The following GNA12 variants were observed in gnomAD, a reference collection of about 807,000 sequenced individuals.
GNA12 encodes the protein guanine nucleotide-binding protein subunit alpha-12.
Under a neutral mutation model 26.0 loss-of-function variants are expected in GNA12, and 9 were observed. That is an observed-to-expected ratio of 0.35 (90% CI 0.21 to 0.60). The LOEUF (loss-of-function observed/expected upper bound fraction) is 0.60. Ranked by LOEUF, GNA12 falls within the 20% of genes least tolerant of loss-of-function variation. GNA12 has a pLI of 0.78. For missense variants in GNA12, 405 were observed against 525.8 expected (o/e 0.77, Z 2.25); for synonymous variants, 264 against 219.6 (o/e 1.20, Z -1.79).
At chr7:2,811,457 A>G (rs994014245) in intron 1 of GNA12, among the ~76,000 whole-genome samples, 8 of 152,268 alleles carry the variant, frequency 5.3e-5, no homozygotes, top group African/African-American at 1.9e-4. Context: ...CCAGAGGTAC[A>G]GGAGAATAAG....
chr7:2,814,948 C>CA (rs1376777187), intron 1 of GNA12: 1 of 1,572,562 alleles, frequency 6.4e-7, no homozygotes, highest in Non-Finnish European at 8.6e-7. Flanking sequence ...GCCTACAATA[C>CA]AGTAGGCGCT....
At chr7:2,821,507 T>C (rs987625935) in intron 1 of GNA12, among the ~76,000 whole-genome samples, 3 of 152,178 alleles carry the variant, frequency 2.0e-5, no homozygotes, top group Non-Finnish European at 4.4e-5. Context: ...AACTCCCCAA[T>C]TGTATCAATG....
intron 2 of GNA12, among the ~76,000 whole-genome samples, chr7:2,737,274 G>T (rs1724918): frequency 0.12 from 4,191 of 34,748 alleles, 452 homozygotes; most frequent in South Asian, 0.17. Flanking sequence ...GTTTTGTTTT[G>T]TTTTTTTTTT....
intron 2 of GNA12, among the ~76,000 whole-genome samples, chr7:2,771,120 G>T (rs891190880): frequency 6.6e-6 from 1 of 151,948 alleles, no homozygotes; most frequent in Non-Finnish European, 1.5e-5. Flanking sequence ...GCGAAACCTC[G>T]TCTCTACTAA....
chr7:2,805,025 C>G (rs780001982), intron 1 of GNA12, among the ~76,000 whole-genome samples: 27 of 152,164 alleles, frequency 1.8e-4, no homozygotes, highest in Admixed American at 3.3e-4. Flanking sequence ...AGGCAGTGTT[C>G]TTTAGAACCC....
rs745398619 is a variant in GNA12 at position 2,835,980 on chromosome 7, T to C, written c.309+7873A>G. 12 of 462,428 alleles carry C rather than the reference T, an allele frequency of 2.6e-5. No homozygotes were observed. In the Admixed American group the frequency reaches 2.7e-4, roughly 10 times the overall value. 28.6% of individuals were successfully genotyped at this position (462,428 alleles called of 1,614,324 possible). A position where few individuals can be genotyped will look rare whatever the true frequency, so the allele number is the denominator to read the frequency against. On this transcript the variant is annotated intron_variant, in intron 1 of 3. Coordinates refer to ENST00000275364, the MANE Select transcript of GNA12 (RefSeq NM_007353.3). ...GAGCAGATTTGAAAGTTCAGTTGTA[T>C]GCAAAATTTGGGAGCAGCATAAACC...
intron 2 of GNA12, among the ~76,000 whole-genome samples, chr7:2,771,163 C>T (rs1471945240): frequency 6.6e-6 from 1 of 151,992 alleles, no homozygotes; most frequent in Non-Finnish European, 1.5e-5. Context: ...AGGTGGCAGG[C>T]ACCTATAATC....
chr7:2,786,320 T>C (rs182486125), intron 2 of GNA12, among the ~76,000 whole-genome samples: 228 of 151,660 alleles, frequency 1.5e-3, no homozygotes, highest in African/African-American at 5.2e-3. Flanking sequence ...AAATGAAAAA[T>C]TGAAAAAAAG....
intron 2 of GNA12, among the ~76,000 whole-genome samples, chr7:2,769,159 C>T (rs555089771): frequency 6.6e-6 from 1 of 152,128 alleles, no homozygotes; most frequent in Non-Finnish European, 1.5e-5. Context: ...CCGTCTTGGC[C>T]TCCCAAAGTG....
At chr7:2,815,308 A>G (rs749838538) in intron 1 of GNA12, 5 of 210,302 alleles carry the variant, frequency 2.4e-5, no homozygotes, top group Non-Finnish European at 3.8e-5. Flanking sequence ...ACAAGACCTT[A>G]AGGAGGGGCC....
At chr7:2,803,851 T>C (rs1792876803) in intron 1 of GNA12, among the ~76,000 whole-genome samples, 1 of 151,790 alleles carries the variant, frequency 6.6e-6, no homozygotes, top group African/African-American at 2.4e-5. Context: ...AATCCAGATT[T>C]CCCCAGATCT....
intron 1 of GNA12, among the ~76,000 whole-genome samples, chr7:2,798,999 T>G (rs1792744846): frequency 6.6e-6 from 1 of 152,174 alleles, no homozygotes; most frequent in Admixed American, 6.5e-5. Flanking sequence ...GACCTAAACC[T>G]CACAGCTTAT....
chr7:2,741,454 T>G (rs1171877021), intron 2 of GNA12, among the ~76,000 whole-genome samples: 1 of 152,166 alleles, frequency 6.6e-6, no homozygotes, highest in East Asian at 1.9e-4. Context: ...ACCCAGCAAG[T>G]GCGGCACCAG....
chr7:2,778,560 G>A (rs1792136839), intron 2 of GNA12, among the ~76,000 whole-genome samples: 1 of 152,176 alleles, frequency 6.6e-6, no homozygotes, highest in Non-Finnish European at 1.5e-5. Flanking sequence ...CCTACTTCAG[G>A]AGTTCAGACC....
chr7:2,766,388 T>G lies in GNA12; in HGVS notation c.525+28540A>C, dbSNP rs1211769623. On this transcript the variant is annotated intron_variant, in intron 2 of 3. Transcript: ENST00000275364. ...GATGAACATTTGGGTTGCTTCCGCCTTTTTTTTTTTTTTTTTGAGACGGAG... is the reference window on the plus strand; with the variant it reads ...GATGAACATTTGGGTTGCTTCCGCCGTTTTTTTTTTTTTTTTGAGACGGAG... Among the ~76,000 whole-genome samples the G allele has an allele frequency of 2.1e-4, 12 of 57,382 alleles. No individual in the cohort carries two copies. In the East Asian group the frequency reaches 4.1e-3, roughly 20 times the overall value. The allele number at this position is 57,382 out of a possible 152,430, so 37.6% of individuals were successfully genotyped here. A position where few individuals can be genotyped will look rare whatever the true frequency, so the allele number is the denominator to read the frequency against.
chr7:2,758,017 AT>A (rs1266722504), intron 2 of GNA12, among the ~76,000 whole-genome samples: 1 of 152,188 alleles, frequency 6.6e-6, no homozygotes, highest in East Asian at 1.9e-4. Context: ...TACAGACCTA[AT>A]AAATGTCTGG....
chr7:2,801,087 T>G (rs1792798097), intron 1 of GNA12, among the ~76,000 whole-genome samples: 2 of 152,008 alleles, frequency 1.3e-5, no homozygotes, highest in South Asian at 4.2e-4. Context: ...ACGCTCTCCA[T>G]CATCCAGGCA....
intron 2 of GNA12, among the ~76,000 whole-genome samples, chr7:2,739,051 G>C (rs565452027): frequency 6.6e-6 from 1 of 152,224 alleles, no homozygotes; most frequent in Non-Finnish European, 1.5e-5. Context: ...CTCTACAACT[G>C]TAAGCTCAGG....
rs185228590 is a variant in GNA12 at position 2,782,786 on chromosome 7, A to G, written c.525+12142T>C. Among the ~76,000 whole-genome samples, 196 of 152,096 alleles carry G rather than the reference A, an allele frequency of 1.3e-3. 1 individual carries two copies. The highest frequency in any genetic ancestry group is 4.0e-3 in the African/African-American group (165 of 41,478). On this transcript the variant is annotated intron_variant, in intron 2 of 3. Coordinates refer to ENST00000275364, the MANE Select transcript of GNA12 (RefSeq NM_007353.3). ...TCCTGTGACTCAGTGTTAAACGTGCATTACACCTTCTGACCCCATCCTCCT... is the reference window on the plus strand; with the variant it reads ...TCCTGTGACTCAGTGTTAAACGTGCGTTACACCTTCTGACCCCATCCTCCT...
Sources: allele counts gnomAD v4.1 joint callset (sites outside exome capture counted in the v4.1 genomes callset), GRCh38; gene constraint gnomAD v4.1.1; transcripts MANE v1.5; gene names NCBI Gene and HGNC (gene_info 2026-07-23, HGNC 2026-07-21).